The following SCAF11 variants were observed in gnomAD, a reference collection of about 807,000 sequenced individuals.
SCAF11 encodes SR-related CTD associated factor 11.
In SCAF11, 47 loss-of-function variants were observed where a neutral mutation model predicts 140.5. The ratio of observed to expected loss-of-function variants is 0.33; its 90% CI spans 0.26 to 0.43. The LOEUF is 0.43. Among genes scored for constraint, SCAF11 ranks in the 20% least tolerant of loss-of-function variants. The pLI, the probability that SCAF11 is intolerant of heterozygous loss-of-function variation, is 1.00. For synonymous variants in SCAF11, 557 were observed against 579.4 expected (o/e 0.96, Z 0.55); for missense variants, 1,645 against 1,705.1 (o/e 0.96, Z 0.62).
At chr12:45,929,778 C>T (rs1944997623) in intron 10 of SCAF11, 1 of 152,160 alleles carries the variant, frequency 6.6e-6, no homozygotes, top group African/African-American at 2.4e-5. Context: ...CCAAATCTAG[C>T]TACTTAATAT....
chr12:45,972,380 G>C (rs1354764426), intron 1 of SCAF11, among the ~76,000 whole-genome samples: 3 of 152,078 alleles, frequency 2.0e-5, no homozygotes, highest in Middle Eastern at 3.4e-3. Flanking sequence ...CTAGTAGTTA[G>C]AGACCAGTCT....
intron 1 of SCAF11, among the ~76,000 whole-genome samples, chr12:45,984,442 G>C (rs893883370): frequency 2.0e-5 from 3 of 152,010 alleles, no homozygotes; most frequent in Non-Finnish European, 4.4e-5. Flanking sequence ...TACAATTTCT[G>C]TTTGTCTCAT....
In SCAF11 at chr12:45,927,138, T is replaced by A; in HGVS notation, c.2563A>T (p.Ile855Phe). 4 of 1,614,178 alleles carry A rather than the reference T, an allele frequency of 2.5e-6. No homozygotes were observed. The highest frequency in any genetic ancestry group is 3.4e-6 in the Non-Finnish European group (4 of 1,180,012). The change falls in exon 11 of 15, where the codon ATT (isoleucine) becomes TTT (phenylalanine). Residue 855 changes from isoleucine (I) to phenylalanine (F), a missense_variant. Physicochemically the swap from Ile to Phe is conservative, Grantham distance 21. Coordinates refer to ENST00000369367, the MANE Select transcript of SCAF11 (RefSeq NM_004719.3). ...KSRSQSPKKDIARERRQSQSR... is the reference protein window; with the variant it reads ...KSRSQSPKKDFARERRQSQSR... ...TGAGATTGCCTCCTTTCTCTTGCAATATCCTTTTTTGGGGACTGAGAACGG... is the reference window on the plus strand; with the variant it reads ...TGAGATTGCCTCCTTTCTCTTGCAAAATCCTTTTTTGGGGACTGAGAACGG...
intron 3 of SCAF11, among the ~76,000 whole-genome samples, chr12:45,959,538 T>C (rs1349211882): frequency 6.6e-6 from 1 of 152,204 alleles, no homozygotes. Context: ...CTGTAAACTT[T>C]GCTTTTAGAT....
At chr12:45,970,224 G>C (rs1946042850) in intron 1 of SCAF11, among the ~76,000 whole-genome samples, 1 of 152,158 alleles carries the variant, frequency 6.6e-6, no homozygotes, top group Non-Finnish European at 1.5e-5. Flanking sequence ...TAGAGATGGA[G>C]TCTCACTCTG....
chr12:45,941,455 C>T (rs1199043235), intron 6 of SCAF11, among the ~76,000 whole-genome samples: 1 of 152,136 alleles, frequency 6.6e-6, no homozygotes, highest in Non-Finnish European at 1.5e-5. Flanking sequence ...GTGTACAATA[C>T]ACCATTATTA....
intron 6 of SCAF11, among the ~76,000 whole-genome samples, chr12:45,937,801 C>G (rs1024525374): frequency 6.6e-6 from 1 of 152,094 alleles, no homozygotes; most frequent in Non-Finnish European, 1.5e-5. Context: ...GTTTCCTGTA[C>G]CATCATTTAT....
intron 1 of SCAF11, among the ~76,000 whole-genome samples, chr12:45,966,542 A>T (rs1195502726): frequency 6.6e-6 from 1 of 151,968 alleles, no homozygotes; most frequent in Non-Finnish European, 1.5e-5. Flanking sequence ...ATTAAGGAAT[A>T]AAAAAAGAGG....
At position 45,920,343 on chromosome 12, in the gene SCAF11, C is replaced by T. The variant is rs1944678592; in HGVS notation, c.*1705G>A. 6.6e-6 allele frequency: 1 copy of T among 152,176 alleles called. No individual in the cohort carries two copies. The highest frequency in any genetic ancestry group is 1.5e-5 in the Non-Finnish European group (1 of 68,024). The allele number at this position is 152,176 out of a possible 1,614,324, so 9.4% of individuals were successfully genotyped here. On this transcript the variant is annotated 3_prime_UTR_variant, in exon 15 of 15. Transcript: ENST00000369367. ...ACAGATAATCTTTACTTTAGAAAAG[C>T]ACAGTTCTACAGAGTATTGCTCTGG...
At chr12:45,974,206 CT>C (rs1946181592) in intron 1 of SCAF11, 2 of 470,874 alleles carry the variant, frequency 4.2e-6, no homozygotes, top group Non-Finnish European at 4.4e-6. Context: ...GCTAAAAATG[CT>C]AACAATCATC....
intron 1 of SCAF11, 59 bp from the exon 2 acceptor site, chr12:45,964,247 A>T (rs1421732462): frequency 2.5e-5 from 18 of 734,564 alleles, no homozygotes; most frequent in Non-Finnish European, 3.7e-5. Flanking sequence ...AATATCAATT[A>T]AAAAAAAATC....
Position 45,926,821 on chromosome 12 carries a change from A to G in SCAF11, c.2880T>C (p.Asp960=), listed in dbSNP as rs570649939. ...TTCCCTTCCACCGGGGAGAGTAACTATCTCTGTCAATTCTACCAAATGATG... is the reference window on the plus strand; with the variant it reads ...TTCCCTTCCACCGGGGAGAGTAACTGTCTCTGTCAATTCTACCAAATGATG... ...KSSSFGRIDR[D]SYSPRWKGRW... The change falls in exon 11 of 15, where the codon GAT becomes GAC. Residue 960 remains aspartate, a synonymous_variant. Coordinates refer to ENST00000369367, the MANE Select transcript of SCAF11 (RefSeq NM_004719.3). The G allele has an allele frequency of 2.2e-5, 35 of 1,614,034 alleles. No individual in the cohort carries two copies. The highest frequency in any genetic ancestry group is 1.3e-4 in the African/African-American group (10 of 75,004).
At chr12:45,961,446 T>C (rs1945825686) in intron 3 of SCAF11, 1 of 625,520 alleles carries the variant, frequency 1.6e-6, no homozygotes, top group Admixed American at 2.9e-5. Flanking sequence ...GAAAAAAAGT[T>C]TGATCTGTTC....
intron 5 of SCAF11, 106 bp downstream of exon 5, chr12:45,948,331 G>T (rs931665027): frequency 1.4e-6 from 1 of 695,218 alleles, no homozygotes; most frequent in Non-Finnish European, 2.5e-6. Context: ...TTTTGAATAA[G>T]TGATTAAATA....
At chr12:45,962,852 C>T (rs1264060521) in intron 2 of SCAF11, among the ~76,000 whole-genome samples, 1 of 152,180 alleles carries the variant, frequency 6.6e-6, no homozygotes, top group Non-Finnish European at 1.5e-5. Context: ...GAAAGAATAC[C>T]TAAATTAGGC....
At chr12:45,981,802 C>T (rs1276669592) in intron 1 of SCAF11, among the ~76,000 whole-genome samples, 1 of 151,722 alleles carries the variant, frequency 6.6e-6, no homozygotes, top group African/African-American at 2.4e-5. Flanking sequence ...TCTCCCCATA[C>T]CTCCCAAAAA....
chr12:45,961,929 G>A (rs1459787586), intron 2 of SCAF11, 72 bp from the exon 3 acceptor site: 6 of 1,271,912 alleles, frequency 4.7e-6, no homozygotes, highest in Non-Finnish European at 6.5e-6. Context: ...TAGGAGTATA[G>A]TGGATTAGAT....
In SCAF11 at chr12:45,921,913, C is replaced by T; in HGVS notation, c.*135G>A. ...CCTATATTTATTTAGAACAAAACAT[C>T]ATATCCTATGTTAAAAAAATAATTT... is the stretch of plus-strand genomic sequence containing the variant. On this transcript the variant is annotated 3_prime_UTR_variant, in exon 15 of 15. Coordinates refer to ENST00000369367, the MANE Select transcript of SCAF11 (RefSeq NM_004719.3). 1 of 1,035,062 alleles carries T rather than the reference C, an allele frequency of 9.7e-7. No homozygotes were observed. Among genetic ancestry groups the T allele is most frequent in the Non-Finnish European group, 1.4e-6 (1 of 710,544 alleles). The allele number at this position is 1,035,062 out of a possible 1,614,324, so 64.1% of individuals were successfully genotyped here. A position where few individuals can be genotyped will look rare whatever the true frequency, so the allele number is the denominator to read the frequency against.
chr12:45,987,597 G>A (rs1946486755), intron 1 of SCAF11, among the ~76,000 whole-genome samples: 1 of 152,188 alleles, frequency 6.6e-6, no homozygotes, highest in Non-Finnish European at 1.5e-5. Context: ...AAAATATCGG[G>A]GGAAGGCTGT....
Sources: allele counts gnomAD v4.1 joint callset (sites outside exome capture counted in the v4.1 genomes callset), GRCh38; gene constraint gnomAD v4.1.1; transcripts MANE v1.5; gene names NCBI Gene and HGNC (gene_info 2026-07-23, HGNC 2026-07-21).